Variants in DNAI2 observed in about 807,000 individuals in gnomAD.
DNAI2 encodes the protein dynein, axonemal, intermediate polypeptide 2.
In DNAI2, 63 loss-of-function variants were observed where a neutral mutation model predicts 74.7. That is an observed-to-expected ratio of 0.84 (90% confidence interval 0.69 to 1.04). The LOEUF is 1.04. Ranked by LOEUF, DNAI2 falls within the 50% of genes least tolerant of loss-of-function variation. DNAI2 has a pLI of 0.00. For synonymous variants in DNAI2, 289 were observed against 314.9 expected (o/e 0.92, Z 0.87); for missense variants, 688 against 803.2 (o/e 0.86, Z 1.73).
chr17:74,282,051 C>G lies in DNAI2; in HGVS notation c.183+51C>G, dbSNP rs72656915. 0.016 allele frequency: 24,925 copies of G among 1,606,992 alleles called. 251 individuals are homozygous for G. Among genetic ancestry groups the G allele is most frequent in the Non-Finnish European group, 0.018 (20,922 of 1,175,540 alleles). On this transcript the variant is annotated intron_variant, in intron 2 of 13. Coordinates refer to ENST00000311014, the MANE Select transcript of DNAI2 (RefSeq NM_023036.6). Reference sequence around the variant, plus strand: ...GCCTGTCAGGTGTGGCCAGGCAGGGCGGCCAGCTGGGGCCGGTGAGTGGTT... The same window carrying G: ...GCCTGTCAGGTGTGGCCAGGCAGGGGGGCCAGCTGGGGCCGGTGAGTGGTT...
intron 10 of DNAI2, 51 bp from the exon 11 acceptor site, chr17:74,309,966 A>C (rs763354596): frequency 3.3e-6 from 5 of 1,532,868 alleles, no homozygotes; most frequent in Non-Finnish European, 4.4e-6. Context: ...TCAGACACAC[A>C]TAACTTTGCT....
At chr17:74,299,613 T>C (rs1404409669) in intron 6 of DNAI2, 105 bp from the exon 7 acceptor site, 8 of 1,491,546 alleles carry the variant, frequency 5.4e-6, no homozygotes, top group South Asian at 4.7e-5. Flanking sequence ...GAAAACCACA[T>C]ACCTGCCAAA....
At chr17:74,314,014 C>T in intron 12 of DNAI2, 107 bp from the exon 13 acceptor site, 1 of 1,588,268 alleles carries the variant, frequency 6.3e-7, no homozygotes, top group African/African-American at 1.3e-5. Context: ...GCGACCCAGG[C>T]TTCAGCCATT....
rs1289834674 is a variant in DNAI2 at position 74,300,549 on chromosome 17, T to A, written c.865-497T>A. 6.6e-6 allele frequency among the ~76,000 whole-genome samples: 1 copy of A among 152,256 alleles called. No homozygotes were observed. Among genetic ancestry groups the A allele is most frequent in the East Asian group, 1.9e-4 (1 of 5,200 alleles). On this transcript the variant is annotated intron_variant, in intron 7 of 13. Transcript: ENST00000311014. The surrounding 1 kb of genome is among the most constrained non-coding windows in gnomAD (Gnocchi z 4.5). Reference sequence around the variant, plus strand: ...CCCATGCCTATTAATAACTGCATCATGTGGGTGTACCATAATTTATATATG... The same window carrying A: ...CCCATGCCTATTAATAACTGCATCAAGTGGGTGTACCATAATTTATATATG...
chr17:74,282,476 A>G (rs1013165945), intron 2 of DNAI2, among the ~76,000 whole-genome samples: 1 of 152,016 alleles, frequency 6.6e-6, no homozygotes, highest in Non-Finnish European at 1.5e-5. Flanking sequence ...AATTTTTGCA[A>G]TTCTTGTAGA....
chr17:74,306,477 A>G (rs957048599), intron 9 of DNAI2, among the ~76,000 whole-genome samples: 2 of 152,160 alleles, frequency 1.3e-5, no homozygotes, highest in Non-Finnish European at 2.9e-5. Context: ...TGCTAAAAAA[A>G]ACATCCTGGG....
intron 8 of DNAI2, 64 bp from the exon 9 acceptor site, chr17:74,305,155 T>C (rs1466376740): frequency 2.6e-6 from 4 of 1,567,216 alleles, no homozygotes; most frequent in Non-Finnish European, 3.5e-6. Context: ...CTCCTGTCCA[T>C]GCCCGCTAAT....
chr17:74,283,178 T>A (rs2051491322), intron 2 of DNAI2, among the ~76,000 whole-genome samples: 1 of 152,236 alleles, frequency 6.6e-6, no homozygotes, highest in Non-Finnish European at 1.5e-5. Context: ...GTTTCCATCC[T>A]GGGTGATGTA....
In DNAI2 at chr17:74,301,028, C is replaced by A; in HGVS notation, c.865-18C>A. ...ATACAGGGCCTCGAAGTCTCACTGT[C>A]GCCCCTCCTCCCACCAGGTCATGTG... On this transcript the variant is annotated intron_variant, in intron 7 of 13. Coordinates refer to ENST00000311014, the MANE Select transcript of DNAI2 (RefSeq NM_023036.6). 1 of 1,613,392 alleles carries A rather than the reference C, an allele frequency of 6.2e-7. No homozygotes were observed. The highest frequency in any genetic ancestry group is 1.1e-5 in the South Asian group (1 of 91,008).
chr17:74,302,756 T>C lies in DNAI2; in HGVS notation c.987+1588T>C, dbSNP rs188149585. 1.4e-3 allele frequency among the ~76,000 whole-genome samples: 211 copies of C among 152,348 alleles called. 1 individual carries two copies. The highest frequency in any genetic ancestry group is 2.5e-3 in the Non-Finnish European group (167 of 68,038). On this transcript the variant is annotated intron_variant, in intron 8 of 13. Coordinates refer to ENST00000311014, the MANE Select transcript of DNAI2 (RefSeq NM_023036.6). ...TTTACGTCTTAGTGCAGCCCAGGCC[T>C]GGTTCCCCCTTGGGGGTGTCACTTG...
At chr17:74,292,631 G>T (rs1031048135) in intron 6 of DNAI2, among the ~76,000 whole-genome samples, 3 of 151,902 alleles carry the variant, frequency 2.0e-5, no homozygotes, top group African/African-American at 7.3e-5. Context: ...TGCCCAGGCT[G>T]GTCTTAAACT....
At position 74,289,594 on chromosome 17, in the gene DNAI2, G is replaced by C. The variant is rs1035953667; in HGVS notation, c.468G>C (p.Arg156Ser). The C allele has an allele frequency of 6.2e-7, 1 of 1,613,906 alleles. No individual in the cohort carries two copies. Among genetic ancestry groups the C allele is most frequent in the Admixed American group, 1.7e-5 (1 of 59,984 alleles). Residue 156 changes from arginine (R) to serine (S), a missense_variant and splice_region_variant, in exon 5 of 14, where the codon AGG (arginine) becomes AGC (serine). Arg to Ser is a moderately radical substitution (Grantham distance 110, BLOSUM62 -1). Transcript: ENST00000311014. ...CTGCTCTCTTCCCTCTCCCCTGCAG[G>C]GACCCCCAGGAAATCAAGAGGGCTG... ...DPSAKTINVF[R>S]DPQEIKRAAT...
In DNAI2 at chr17:74,280,926, A is replaced by AACAAT. The variant is rs796944894; in HGVS notation, c.-11-876_-11-872dup. ...AAATGGCGAGACCCCATCTCTACAA[A>AACAAT]ACAATACAAAACTTAGCCAGGCATG... On this transcript the variant is annotated intron_variant, in intron 1 of 13. Coordinates refer to ENST00000311014, the MANE Select transcript of DNAI2 (RefSeq NM_023036.6). 4.7e-4 allele frequency among the ~76,000 whole-genome samples: 71 copies of AACAAT among 151,784 alleles called. 1 individual carries two copies. The highest frequency in any genetic ancestry group is 1.6e-3 in the African/African-American group (68 of 41,386).
Position 74,282,213 on chromosome 17 carries a change from A to G in DNAI2, c.183+213A>G, listed in dbSNP as rs140217124. ...ACCCAGCACCCGCCTTCCTCGAGCC[A>G]GGGAAGTGCAAATCACAATGTTCCC... is the stretch of plus-strand genomic sequence containing the variant. On this transcript the variant is annotated intron_variant, in intron 2 of 13. Transcript: ENST00000311014. Among the ~76,000 whole-genome samples the G allele has an allele frequency of 3.2e-3, 494 of 152,332 alleles. 4 individuals carry two copies. The highest frequency in any genetic ancestry group is 0.011 in the African/African-American group (475 of 41,566).
In DNAI2 at chr17:74,281,725, TG is replaced by T. The variant is rs200961442; in HGVS notation, c.-11-80del. On this transcript the variant is annotated intron_variant, in intron 1 of 13. Coordinates refer to ENST00000311014, the MANE Select transcript of DNAI2 (RefSeq NM_023036.6). The stretch of plus-strand genomic sequence containing the variant: ...TCCTGCCCCAACCAGATTGAGAACC[TG>T]GAGCTGTCCTGGCAGGACCTGTGGA... The T allele has an allele frequency of 7.1e-4, 1,003 of 1,414,930 alleles. 9 individuals are homozygous for T. The East Asian group carries it at 0.02, about 28-fold the overall frequency. 87.6% of individuals were successfully genotyped at this position (1,414,930 alleles called of 1,614,324 possible).
chr17:74,274,810 A>C (rs1365160009), intron 1 of DNAI2, among the ~76,000 whole-genome samples: 1 of 152,174 alleles, frequency 6.6e-6, no homozygotes, highest in East Asian at 1.9e-4. Context: ...AGGTGTTTTA[A>C]GTGCTTTCTT....
chr17:74,309,434 A>G (rs1381364837), intron 10 of DNAI2, 46 bp downstream of exon 10: 2 of 1,613,544 alleles, frequency 1.2e-6, no homozygotes, highest in Non-Finnish European at 1.7e-6. Context: ...TCAGGGAGCC[A>G]GGTCCCGGCG....
chr17:74,302,342 C>G (rs377168200), intron 8 of DNAI2, among the ~76,000 whole-genome samples: 1 of 152,018 alleles, frequency 6.6e-6, no homozygotes, highest in Non-Finnish European at 1.5e-5. Context: ...CCAAGGCGGG[C>G]GGATCACCTG....
intron 9 of DNAI2, chr17:74,307,125 C>T: frequency 9.6e-6 from 4 of 415,396 alleles, no homozygotes; most frequent in South Asian, 6.9e-5. Flanking sequence ...GTGCATTGTT[C>T]CAGGCCTCAT....
Sources: allele counts gnomAD v4.1 joint callset (sites outside exome capture counted in the v4.1 genomes callset), GRCh38; gene constraint gnomAD v4.1.1; non-coding constraint Gnocchi (gnomAD v3.1); transcripts MANE v1.5; gene names NCBI Gene and HGNC (gene_info 2026-07-23, HGNC 2026-07-21).